Variants in NEDD9 observed in about 807,000 individuals in gnomAD.
NEDD9 encodes neural precursor cell expressed, developmentally down-regulated 9, also known as enhancer of filamentation 1.
In NEDD9, 26 loss-of-function variants were observed where a neutral mutation model predicts 76.6. That is an observed-to-expected ratio of 0.34 (90% CI 0.25 to 0.47). The LOEUF is 0.47. Among genes scored for constraint, NEDD9 ranks in the 20% least tolerant of loss-of-function variants. The pLI is 1.00. For synonymous variants in NEDD9, 392 were observed against 414.2 expected, an observed-to-expected ratio of 0.95 and a Z score of 0.65; for missense variants, 937 against 1,058.5, an observed-to-expected ratio of 0.89 and a Z score of 1.59.
chr6:11,309,204 G>C (rs1461937847), intron 2 of NEDD9, among the ~76,000 whole-genome samples: 2 of 152,198 alleles, frequency 1.3e-5, no homozygotes, highest in Non-Finnish European at 2.9e-5. Context: ...CATTAGGTTT[G>C]AGCAATGCAT....
chr6:11,193,310 T>TAAA (rs796698181), intron 3 of NEDD9, among the ~76,000 whole-genome samples: 5 of 136,620 alleles, frequency 3.7e-5, no homozygotes, highest in Non-Finnish European at 7.9e-5. Context: ...GATTCTGTCT[T>TAAA]AAAAAAAAAA....
rs933892327 is a variant in NEDD9, at chr6:11,308,361, CTTTT to C, written c.-152-2210_-152-2207del. On this transcript the variant is annotated intron_variant, in intron 2 of 3. Transcript: ENST00000397378. ...TTGTCCAAGTAGGAGGATGGGACATCTTTTTTTTTTTTTTTTTTTTTTTTTTGAT... is the reference window on the plus strand; with the variant it reads ...TTGTCCAAGTAGGAGGATGGGACATCTTTTTTTTTTTTTTTTTTTTTTGAT... Among the ~76,000 whole-genome samples the C allele has an allele frequency of 1.5e-4, 13 of 87,864 alleles. 1 individual carries two copies. The highest frequency in any genetic ancestry group is 2.1e-4 in the Non-Finnish European group (10 of 46,926). 57.6% of individuals were successfully genotyped at this position (87,864 alleles called of 152,430 possible). A position where few individuals can be genotyped will look rare whatever the true frequency, so the allele number is the denominator to read the frequency against.
Position 11,370,325 on chromosome 6 carries a change from A to G in NEDD9, c.-214+11814T>C, listed in dbSNP as rs1045402122. ...GACCAAAACCATTCTTTGCTCTGCT[A>G]TGTAGAGTAGAGCTTTGTTTTTCAA... On this transcript the variant is annotated intron_variant, in intron 1 of 3. Coordinates refer to the NEDD9 transcript ENST00000397378. This position sits in a 1 kb window ranked among gnomAD's most constrained non-coding sequence, Gnocchi z 4.2. Among the ~76,000 whole-genome samples, 2 of 152,182 alleles carry G rather than the reference A, an allele frequency of 1.3e-5. No individual in the cohort carries two copies. The highest frequency in any genetic ancestry group is 2.9e-5 in the Non-Finnish European group (2 of 68,028).
intron 1 of NEDD9, among the ~76,000 whole-genome samples, chr6:11,355,150 G>A (rs536291488): frequency 6.6e-6 from 1 of 152,294 alleles, no homozygotes; most frequent in Non-Finnish European, 1.5e-5. Context: ...ATATGGTATG[G>A]TGGGTCTGAA....
chr6:11,366,970 T>C (rs1762781693), intron 1 of NEDD9, among the ~76,000 whole-genome samples: 1 of 152,264 alleles, frequency 6.6e-6, no homozygotes. Flanking sequence ...TGATCCAATG[T>C]TGTTACCTAG....
At chr6:11,279,721 G>A (rs1581996213) in intron 3 of NEDD9, among the ~76,000 whole-genome samples, 1 of 152,056 alleles carries the variant, frequency 6.6e-6, no homozygotes, top group Non-Finnish European at 1.5e-5. Flanking sequence ...TTGAGAAGCC[G>A]GGGCCAGGCA....
At chr6:11,200,547 A>G in intron 2 of NEDD9, 1 of 1,092,438 alleles carries the variant, frequency 9.2e-7, no homozygotes, top group Non-Finnish European at 1.1e-6. Flanking sequence ...TGTATGTCTT[A>G]GTAATCACAG....
chr6:11,291,691 T>C (rs1276219781), intron 3 of NEDD9, among the ~76,000 whole-genome samples: 1 of 152,206 alleles, frequency 6.6e-6, no homozygotes, highest in Non-Finnish European at 1.5e-5. Context: ...GGGCGTTGGA[T>C]AATACTTAAC....
chr6:11,213,576 A>T lies in NEDD9; in HGVS notation c.164T>A (p.Val55Asp). The T allele has an allele frequency of 1.9e-6, 3 of 1,614,186 alleles. No homozygotes were observed. The highest frequency in any genetic ancestry group is 1.7e-6 in the Non-Finnish European group (2 of 1,180,030). ...CAGAAGCTTCACCCGGTTGCCTGGG[A>T]CAATGCCTTGCCGACCGTGTAATGA... is the stretch of plus-strand genomic sequence containing the variant. ...LCSLHGRQGI[V>D]PGNRVKLLIG... Residue 55 changes from valine to aspartate, a missense_variant, in exon 2 of 7, where the codon GTC becomes GAC. Val to Asp is a radical substitution (Grantham distance 152). Transcript: ENST00000379446. This position sits in a 1 kb window ranked among gnomAD's most constrained non-coding sequence, Gnocchi z 5.4.
At chr6:11,277,471 C>A (rs992794493) in intron 3 of NEDD9, among the ~76,000 whole-genome samples, 4 of 152,044 alleles carry the variant, frequency 2.6e-5, no homozygotes, top group African/African-American at 9.7e-5. Flanking sequence ...GAATGTGTTT[C>A]AATTAGCAAA....
chr6:11,296,927 C>T (rs1246024269), intron 3 of NEDD9, among the ~76,000 whole-genome samples: 1 of 152,094 alleles, frequency 6.6e-6, no homozygotes. Flanking sequence ...CATGGTTTCG[C>T]CATCTTGCCC....
At chr6:11,364,928 T>C (rs1421955006) in intron 1 of NEDD9, among the ~76,000 whole-genome samples, 1 of 152,150 alleles carries the variant, frequency 6.6e-6, no homozygotes, top group Non-Finnish European at 1.5e-5. Context: ...TTTCCTCTCC[T>C]CTTTCCTTAC....
At chr6:11,246,441 C>T (rs563873448) in intron 3 of NEDD9, among the ~76,000 whole-genome samples, 3 of 152,310 alleles carry the variant, frequency 2.0e-5, no homozygotes, top group African/African-American at 7.2e-5. Context: ...GTCCCCCAGG[C>T]CCCGGGCCCC....
intron 1 of NEDD9, among the ~76,000 whole-genome samples, chr6:11,360,556 A>ATGATCTGTTTGG (rs78042883): frequency 6.6e-6 from 1 of 151,854 alleles, no homozygotes; most frequent in Non-Finnish European, 1.5e-5. Context: ...GTGAGTTCTC[A>ATGATCTGTTTGG]TGAGATCTGG....
chr6:11,305,256 C>A, intron 3 of NEDD9: 1 of 676,710 alleles, frequency 1.5e-6, no homozygotes, highest in Non-Finnish European at 2.2e-6. Flanking sequence ...TTTCTCATTT[C>A]ATCCTCTGAA....
At chr6:11,267,603 T>C (rs527288047) in intron 3 of NEDD9, among the ~76,000 whole-genome samples, 11 of 152,300 alleles carry the variant, frequency 7.2e-5, no homozygotes, top group African/African-American at 2.6e-4. Context: ...TTGCTGCATA[T>C]ATTTTCAACA....
At chr6:11,225,129 C>T (rs1371508861) in intron 1 of NEDD9, among the ~76,000 whole-genome samples, 2 of 151,998 alleles carry the variant, frequency 1.3e-5, no homozygotes, top group African/African-American at 4.8e-5. Context: ...CACATACACA[C>T]AGTAAAAAAA....
chr6:11,372,338 T>C (rs1762892839), intron 1 of NEDD9, among the ~76,000 whole-genome samples: 1 of 152,224 alleles, frequency 6.6e-6, no homozygotes, highest in South Asian at 2.1e-4. Flanking sequence ...ATCTCATTCT[T>C]TTTTATGGGT....
chr6:11,255,567 C>T (rs1156541914), intron 3 of NEDD9, among the ~76,000 whole-genome samples: 1 of 151,916 alleles, frequency 6.6e-6, no homozygotes, highest in East Asian at 1.9e-4. Flanking sequence ...TGTGAAGGCC[C>T]CGTGGCAGAA....
Sources: allele counts gnomAD v4.1 joint callset (sites outside exome capture counted in the v4.1 genomes callset), GRCh38; gene constraint gnomAD v4.1.1; non-coding constraint Gnocchi (gnomAD v3.1); transcripts MANE v1.5; gene names NCBI Gene and HGNC (gene_info 2026-07-23, HGNC 2026-07-21).